The following NHSL3 variants were observed in gnomAD, a reference collection of about 807,000 sequenced individuals.
The protein encoded by NHSL3 is NHS-like protein 3.
At chr1:32,747,464 C>T in the NHSL3 span, among the ~76,000 whole-genome samples, 5 of 152,162 alleles carry the variant, frequency 3.3e-5, no homozygotes, top group South Asian at 1.0e-3. Context: ...TGAGCTACCG[C>T]GACTGGCCGA....
the NHSL3 span, chr1:32,741,967 G>A: frequency 9.0e-7 from 1 of 1,110,604 alleles, no homozygotes; most frequent in Non-Finnish European, 1.1e-6. The surrounding 1 kb of genome is among the most constrained non-coding windows in gnomAD (Gnocchi z 4.3). Flanking sequence ...GGCGGCCCGC[G>A]CGCCCCCCGC....
At chr1:32,750,653 G>A in the NHSL3 span, among the ~76,000 whole-genome samples, 2 of 151,748 alleles carry the variant, frequency 1.3e-5, no homozygotes, top group Non-Finnish European at 2.9e-5. Flanking sequence ...GATTATAGGC[G>A]CCTGCCACCA....
At chr1:32,753,990 C>A in the NHSL3 span, 1 of 395,634 alleles carries the variant, frequency 2.5e-6, no homozygotes, top group Non-Finnish European at 4.6e-6. Flanking sequence ...GCCCGCGGTG[C>A]CCGCCCGCGA....
chr1:32,764,243 A>G, the NHSL3 span, among the ~76,000 whole-genome samples: 5 of 134,278 alleles, frequency 3.7e-5, no homozygotes, highest in African/African-American at 2.9e-5. Context: ...GCTTCCTGTT[A>G]CAGCTCTGGA....
At chr1:32,771,904 C>G in the NHSL3 span, 4 of 1,591,402 alleles carry the variant, frequency 2.5e-6, no homozygotes. Context: ...ATCGGCCCCC[C>G]AGAAACCACT....
chr1:32,761,524 G>A, the NHSL3 span, among the ~76,000 whole-genome samples: 1 of 152,168 alleles, frequency 6.6e-6, no homozygotes, highest in Non-Finnish European at 1.5e-5. Context: ...TAGTTTCCCT[G>A]GTTAGAGGGT....
the NHSL3 span, chr1:32,768,015 G>A: frequency 2.3e-5 from 37 of 1,612,884 alleles, no homozygotes; most frequent in East Asian, 7.8e-4. Context: ...ACTGTCAGCT[G>A]TCAAGGTCAG....
the NHSL3 span, chr1:32,753,905 CCCT>C: frequency 4.5e-6 from 1 of 224,282 alleles, no homozygotes; most frequent in African/African-American, 2.3e-5. Context: ...CAGGCCCCGC[CCCT>C]CCTCCGGGCC....
At chr1:32,765,817 T>C in the NHSL3 span, 1 of 1,547,070 alleles carries the variant, frequency 6.5e-7, no homozygotes, top group Non-Finnish European at 8.7e-7. Context: ...TAGGGCTGTT[T>C]AAGAAGAAGG....
At chr1:32,768,885 T>A in the NHSL3 span, 1 of 1,335,770 alleles carries the variant, frequency 7.5e-7, no homozygotes, top group Non-Finnish European at 1.0e-6. Context: ...TTCAATGAAT[T>A]CGGGAAACAC....
chr1:32,774,259 A>G, the NHSL3 span: 1 of 152,376 alleles, frequency 6.6e-6, no homozygotes, highest in East Asian at 1.9e-4. Context: ...TTCACCACCA[A>G]GGAGAGAGGT....
chr1:32,756,473 C>CA, the NHSL3 span, among the ~76,000 whole-genome samples: 19 of 102,898 alleles, frequency 1.8e-4, 3 homozygotes, highest in South Asian at 6.2e-3. Flanking sequence ...TGACGAGACC[C>CA]CCCCCCCCCG....
the NHSL3 span, chr1:32,771,507 C>T: frequency 8.2e-6 from 13 of 1,585,460 alleles, no homozygotes; most frequent in South Asian, 4.5e-5. Context: ...CACCCCCTGC[C>T]CCTGAGGAGC....
chr1:32,744,923 C>T, the NHSL3 span, among the ~76,000 whole-genome samples: 10 of 151,224 alleles, frequency 6.6e-5, no homozygotes, highest in Non-Finnish European at 1.0e-4. Flanking sequence ...CTCAGGAGTT[C>T]GAGACCAGCC....
the NHSL3 span, among the ~76,000 whole-genome samples, chr1:32,759,317 C>T: frequency 6.6e-6 from 1 of 152,164 alleles, no homozygotes; most frequent in Admixed American, 6.6e-5. Context: ...TCTTTCTTCT[C>T]CTTACTCTGT....
chr1:32,751,346 C>T, the NHSL3 span, among the ~76,000 whole-genome samples: 3 of 152,216 alleles, frequency 2.0e-5, no homozygotes, highest in Non-Finnish European at 4.4e-5. Flanking sequence ...ATGCAAGCGT[C>T]ACCGTTGCTA....
At chr1:32,762,907 T>G in the NHSL3 span, among the ~76,000 whole-genome samples, 15 of 151,210 alleles carry the variant, frequency 9.9e-5, no homozygotes, top group Admixed American at 6.6e-4. Context: ...ACTCTTGACC[T>G]CAGGTGATCT....
the NHSL3 span, among the ~76,000 whole-genome samples, chr1:32,756,798 G>A: frequency 1.4e-4 from 21 of 151,766 alleles, no homozygotes; most frequent in Non-Finnish European, 2.6e-4. Context: ...GTGAAACCCC[G>A]TCTCTACTAA....
chr1:32,744,259 T>C, the NHSL3 span, among the ~76,000 whole-genome samples: 1 of 152,106 alleles, frequency 6.6e-6, no homozygotes, highest in Non-Finnish European at 1.5e-5. Context: ...AATCTGACTC[T>C]CCTACTTTAA....
Sources: gnomAD v4.1 joint callset for allele counts (sites outside exome capture counted in the v4.1 genomes callset) on GRCh38, gnomAD v4.1.1 for gene constraint, Gnocchi (gnomAD v3.1) non-coding constraint, MANE v1.5 for transcripts, NCBI Gene and HGNC (gene_info 2026-07-23, HGNC 2026-07-21) for gene names.